Variants in KCNIP1 observed in about 807,000 individuals in gnomAD.
KCNIP1 encodes A-type potassium channel modulatory protein KCNIP1.
KCNIP1 carries 18 observed loss-of-function variants against 33.0 expected under a neutral mutation model. That is an observed-to-expected ratio of 0.55 (90% CI 0.38 to 0.81). KCNIP1 has a LOEUF of 0.81. KCNIP1 is among the 30% of genes least tolerant of loss of function. The probability of loss-of-function intolerance (pLI) is 0.00; values close to 1 mark genes in which losing one functional copy is unlikely to be tolerated. For missense variants in KCNIP1, 238 were observed against 271.6 expected (o/e 0.88, Z 0.87); for synonymous variants, 93 against 98.3 (o/e 0.95, Z 0.32).
At chr5:170,658,743 A>C (rs1205305755) in intron 1 of KCNIP1, among the ~76,000 whole-genome samples, 1 of 152,166 alleles carries the variant, frequency 6.6e-6, no homozygotes, top group Admixed American at 6.5e-5. Context: ...GTGAGTGAGC[A>C]AGAGAATGGA....
chr5:170,616,840 A>T (rs1759394201), intron 1 of KCNIP1, among the ~76,000 whole-genome samples: 1 of 151,876 alleles, frequency 6.6e-6, no homozygotes, highest in Non-Finnish European at 1.5e-5. Flanking sequence ...CACTTGGCTA[A>T]CTCCTACTTC....
At chr5:170,630,264 C>T (rs994373453) in intron 1 of KCNIP1, among the ~76,000 whole-genome samples, 14 of 152,284 alleles carry the variant, frequency 9.2e-5, no homozygotes, top group Middle Eastern at 3.4e-3. Context: ...AATAAATGGA[C>T]GGATGGATGG....
chr5:170,435,730 G>C (rs1335614869), intron 1 of KCNIP1, among the ~76,000 whole-genome samples: 1 of 152,168 alleles, frequency 6.6e-6, no homozygotes, highest in Non-Finnish European at 1.5e-5. Flanking sequence ...GTAAGTGAGG[G>C]ACCACGTGCA....
At chr5:170,540,024 C>A (rs557085628) in intron 1 of KCNIP1, among the ~76,000 whole-genome samples, 3 of 152,276 alleles carry the variant, frequency 2.0e-5, no homozygotes, top group African/African-American at 7.2e-5. Context: ...TTTCAACCTG[C>A]GTGCGGGTCT....
chr5:170,427,312 G>A (rs1755636832), intron 1 of KCNIP1, among the ~76,000 whole-genome samples: 1 of 152,204 alleles, frequency 6.6e-6, no homozygotes, highest in South Asian at 2.1e-4. Context: ...AGGAGAGAAA[G>A]GCGTAAGGTG....
chr5:170,382,740 C>T (rs1468843991), intron 1 of KCNIP1: 4 of 145,572 alleles, frequency 2.7e-5, no homozygotes, highest in Non-Finnish European at 5.9e-5. Context: ...AAGAGCCTTT[C>T]TGATACCCCC....
At chr5:170,455,622 C>A (rs1342143013) in intron 1 of KCNIP1, among the ~76,000 whole-genome samples, 1 of 152,048 alleles carries the variant, frequency 6.6e-6, no homozygotes, top group African/African-American at 2.4e-5. Context: ...TCCTTGGCCA[C>A]AAAGAATAAA....
At chr5:170,374,871 G>C (rs549757731) in intron 1 of KCNIP1, 1 of 152,146 alleles carries the variant, frequency 6.6e-6, no homozygotes, top group Non-Finnish European at 1.5e-5. Flanking sequence ...TTGACAGGAG[G>C]AGAACATCTA....
chr5:170,563,169 T>C (rs1470303870), intron 1 of KCNIP1, among the ~76,000 whole-genome samples: 1 of 152,146 alleles, frequency 6.6e-6, no homozygotes, highest in East Asian at 1.9e-4. Flanking sequence ...TCCTCCAGAG[T>C]GCAGATGACT....
intron 1 of KCNIP1, among the ~76,000 whole-genome samples, chr5:170,475,574 T>A (rs1302618086): frequency 5.9e-5 from 9 of 152,046 alleles, no homozygotes; most frequent in Admixed American, 5.9e-4. Flanking sequence ...ATAGAGGAGA[T>A]AAAAATAACA....
At chr5:170,393,437 T>C (rs1754667972) in intron 1 of KCNIP1, among the ~76,000 whole-genome samples, 1 of 152,206 alleles carries the variant, frequency 6.6e-6, no homozygotes, top group African/African-American at 2.4e-5. Flanking sequence ...AGCGAAGCTG[T>C]GCGTTCACAG....
At chr5:170,544,135 G>A (rs530450337) in intron 1 of KCNIP1, among the ~76,000 whole-genome samples, 11 of 152,166 alleles carry the variant, frequency 7.2e-5, no homozygotes, top group African/African-American at 2.2e-4. Flanking sequence ...ACAAGAGACC[G>A]GGCGTGGTGG....
At chr5:170,539,069 CTG>C (rs1349555887) in intron 1 of KCNIP1, among the ~76,000 whole-genome samples, 6 of 152,020 alleles carry the variant, frequency 3.9e-5, no homozygotes, top group Non-Finnish European at 7.4e-5. Context: ...CCTCCAGAAT[CTG>C]TCTCATTTCG....
intron 1 of KCNIP1, among the ~76,000 whole-genome samples, chr5:170,628,009 T>A (rs1283950235): frequency 6.6e-6 from 1 of 152,188 alleles, no homozygotes; most frequent in Non-Finnish European, 1.5e-5. Context: ...GTGTCAGGAC[T>A]GGGAGCCTGG....
At chr5:170,649,072 A>G (rs1561741320) in intron 1 of KCNIP1, among the ~76,000 whole-genome samples, 1 of 152,216 alleles carries the variant, frequency 6.6e-6, no homozygotes. Flanking sequence ...GAAAATTGGT[A>G]TACCTACTTT....
chr5:170,441,609 T>C (rs1755991079), intron 1 of KCNIP1, among the ~76,000 whole-genome samples: 1 of 152,022 alleles, frequency 6.6e-6, no homozygotes, highest in Admixed American at 6.5e-5. Context: ...AGATTTTCCT[T>C]GAGGGCCGTA....
chr5:170,718,788 T>A lies in KCNIP1; in HGVS notation c.92T>A (p.Met31Lys), dbSNP rs748677083. The A allele has an allele frequency of 6.2e-7, 1 of 1,613,060 alleles. No homozygotes were observed. Among genetic ancestry groups the A allele is most frequent in the East Asian group, 2.2e-5 (1 of 44,824 alleles). ...DKIEDELEMT[M>K]VCHRPEGLEQ... is the part of the protein sequence containing the mutation. ...ATTGAAGATGAGCTGGAGATGACCA[T>A]GGTTTGCCATCGGCCCGAGGGACTG... The change falls in exon 2 of 8, where the codon ATG becomes AAG. Residue 31 changes from methionine to lysine, a missense_variant. Transcript: ENST00000328939.
chr5:170,530,734 C>T (rs1033736898), intron 1 of KCNIP1, among the ~76,000 whole-genome samples: 1 of 152,214 alleles, frequency 6.6e-6, no homozygotes, highest in African/African-American at 2.4e-5. Context: ...AGGGACCTGC[C>T]TGAGGCTTGA....
chr5:170,677,374 C>CT (rs1482810954), intron 1 of KCNIP1, among the ~76,000 whole-genome samples: 1 of 152,156 alleles, frequency 6.6e-6, no homozygotes, highest in Admixed American at 6.5e-5. Context: ...AGGGACTGTG[C>CT]TGAGCAGTTT....
Sources: allele counts gnomAD v4.1 joint callset (sites outside exome capture counted in the v4.1 genomes callset), GRCh38; gene constraint gnomAD v4.1.1; transcripts MANE v1.5; gene names NCBI Gene and HGNC (gene_info 2026-07-23, HGNC 2026-07-21).